Variants in QTGAL observed in about 807,000 individuals in gnomAD.
QTGAL encodes the protein BGnT-like protein 1.
the QTGAL span, among the ~76,000 whole-genome samples, chr17:82,968,058 G>A: frequency 6.6e-6 from 1 of 152,226 alleles, no homozygotes; most frequent in Non-Finnish European, 1.5e-5. Context: ...GGCTCTTAGA[G>A]AGTTAAACAC....
chr17:83,017,444 G>A, the QTGAL span, among the ~76,000 whole-genome samples: 56,185 of 151,674 alleles, frequency 0.37, 10,431 homozygotes, highest in South Asian at 0.45. Context: ...CCAAGATGGT[G>A]AAACTCTGGC....
chr17:83,043,584 C>A, the QTGAL span, among the ~76,000 whole-genome samples: 3 of 151,880 alleles, frequency 2.0e-5, no homozygotes, highest in South Asian at 4.2e-4. Flanking sequence ...AAATCAAGAA[C>A]CTAAAAGTAC....
At chr17:83,015,836 G>A in the QTGAL span, among the ~76,000 whole-genome samples, 1 of 152,234 alleles carries the variant, frequency 6.6e-6, no homozygotes, top group Non-Finnish European at 1.5e-5. The surrounding 1 kb of genome is among the most constrained non-coding windows in gnomAD (Gnocchi z 4.4). Flanking sequence ...GACGGCCTGA[G>A]GTGGAACTGT....
At chr17:83,020,534 T>A in the QTGAL span, among the ~76,000 whole-genome samples, 2 of 152,002 alleles carry the variant, frequency 1.3e-5, no homozygotes, top group Non-Finnish European at 2.9e-5. Flanking sequence ...AAGACCGAGG[T>A]CTGGAGCGGA....
At chr17:82,989,242 G>C in the QTGAL span, among the ~76,000 whole-genome samples, 1 of 151,870 alleles carries the variant, frequency 6.6e-6, no homozygotes, top group African/African-American at 2.4e-5. Context: ...AACCAAAACA[G>C]GAACAGAAAC....
the QTGAL span, among the ~76,000 whole-genome samples, chr17:83,038,351 C>T: frequency 6.6e-6 from 1 of 152,176 alleles, no homozygotes; most frequent in African/African-American, 2.4e-5. Flanking sequence ...CAGAACTTTA[C>T]AACGGATTGT....
At chr17:82,988,143 G>A in the QTGAL span, among the ~76,000 whole-genome samples, 1 of 152,192 alleles carries the variant, frequency 6.6e-6, no homozygotes, top group African/African-American at 2.4e-5. Context: ...CTTTGCTGAA[G>A]TTGCTTATCA....
At chr17:82,957,572 G>A in the QTGAL span, 15 of 1,494,682 alleles carry the variant, frequency 1.0e-5, no homozygotes, top group Admixed American at 2.1e-5. Flanking sequence ...GGGACATGAT[G>A]TGTGCTCAGC....
chr17:82,953,111 C>T, the QTGAL span, among the ~76,000 whole-genome samples: 1 of 152,192 alleles, frequency 6.6e-6, no homozygotes, highest in Admixed American at 6.5e-5. Context: ...AAAATCGACA[C>T]CCTGACATCA....
the QTGAL span, among the ~76,000 whole-genome samples, chr17:83,042,408 TCTAC>T: frequency 0.15 from 22,811 of 152,230 alleles, 1,785 homozygotes; most frequent in African/African-American, 0.21. Flanking sequence ...TAAATCTAAA[TCTAC>T]ATTCATGAAA....
chr17:83,044,943 C>G, the QTGAL span, among the ~76,000 whole-genome samples: 1 of 120,892 alleles, frequency 8.3e-6, no homozygotes, highest in Non-Finnish European at 1.8e-5. Context: ...GAGACTCTGT[C>G]TCAAAAAAAA....
the QTGAL span, among the ~76,000 whole-genome samples, chr17:82,959,646 G>A: frequency 6.6e-6 from 1 of 151,980 alleles, no homozygotes; most frequent in Non-Finnish European, 1.5e-5. Context: ...ATCAGCTTAG[G>A]GACCCCAGGG....
At chr17:83,050,394 AT>A in the QTGAL span, among the ~76,000 whole-genome samples, 681 of 151,130 alleles carry the variant, frequency 4.5e-3, 8 homozygotes, top group African/African-American at 0.016. Context: ...TAAAAAAAAA[AT>A]AAAACGAGTT....
the QTGAL span, among the ~76,000 whole-genome samples, chr17:82,972,440 T>C: frequency 0.48 from 47,786 of 100,496 alleles, 11,379 homozygotes; most frequent in African/African-American, 0.63. Flanking sequence ...CCACAGGGGC[T>C]AGAAGGACCT....
chr17:83,017,610 A>C, the QTGAL span, among the ~76,000 whole-genome samples: 3 of 152,218 alleles, frequency 2.0e-5, no homozygotes, highest in African/African-American at 7.2e-5. Context: ...CGACAGAGAG[A>C]GACTCCATCT....
chr17:83,038,971 AGAGTTTTCTATTTC>A, the QTGAL span, among the ~76,000 whole-genome samples: 46 of 143,914 alleles, frequency 3.2e-4, 10 homozygotes, highest in Non-Finnish European at 4.1e-4. Context: ...CAATTTATAA[AGAGTTTTCTATTTC>A]AAACCAACGA....
At chr17:83,045,340 T>C in the QTGAL span, among the ~76,000 whole-genome samples, 1 of 152,228 alleles carries the variant, frequency 6.6e-6, no homozygotes, top group Non-Finnish European at 1.5e-5. Flanking sequence ...GGAGAAAGAA[T>C]AGTCTTTTAA....
the QTGAL span, among the ~76,000 whole-genome samples, chr17:82,965,389 A>G: frequency 6.6e-6 from 1 of 152,218 alleles, no homozygotes; most frequent in African/African-American, 2.4e-5. Context: ...AGGATGCAGT[A>G]ACCTGGAGCC....
the QTGAL span, chr17:82,965,700 C>G: frequency 6.2e-7 from 1 of 1,612,460 alleles, no homozygotes; most frequent in Admixed American, 1.7e-5. Context: ...CGCTCGCGAG[C>G]AGAACCAGGT....
Sources: allele counts gnomAD v4.1 joint callset (sites outside exome capture counted in the v4.1 genomes callset), GRCh38; gene constraint gnomAD v4.1.1; non-coding constraint Gnocchi (gnomAD v3.1); transcripts MANE v1.5; gene names NCBI Gene and HGNC (gene_info 2026-07-23, HGNC 2026-07-21).